NDUFAF7: variants seen among roughly 807,000 people sequenced by gnomAD.
The protein encoded by NDUFAF7 is protein arginine methyltransferase NDUFAF7, mitochondrial.
A neutral mutation model predicts 47.2 loss-of-function variants in NDUFAF7; 48 were observed. The ratio of observed to expected loss-of-function variants is 1.02; its 90% CI spans 0.81 to 1.29. NDUFAF7 has a LOEUF of 1.29. Ranked by LOEUF, NDUFAF7 falls within the 50% of genes most tolerant of loss-of-function variation. The pLI is 0.00. For synonymous variants in NDUFAF7, 217 were observed against 190.0 expected (o/e 1.14, Z -1.17); for missense variants, 635 against 537.6 (o/e 1.18, Z -1.79).
chr2:37,247,225 T>A, intron 8 of NDUFAF7: 1 of 571,790 alleles, frequency 1.7e-6, no homozygotes, highest in Non-Finnish European at 3.2e-6. Flanking sequence ...TGATTTCATT[T>A]TTTTTTATGG....
chr2:37,233,505 G>A (rs1665420068), intron 2 of NDUFAF7, among the ~76,000 whole-genome samples: 1 of 152,004 alleles, frequency 6.6e-6, no homozygotes, highest in African/African-American at 2.4e-5. Context: ...GCTTGTGCCT[G>A]TAATCCCAGC....
chr2:37,231,955 G>A (rs1665186824), intron 1 of NDUFAF7, 151 bp from the exon 2 acceptor site: 1 of 1,598,574 alleles, frequency 6.3e-7, no homozygotes, highest in East Asian at 2.2e-5. Context: ...TGCTGTCTCT[G>A]CGCCCCGTGG....
At chr2:37,259,688 T>C in the NDUFAF7 span, 12 of 1,588,434 alleles carry the variant, frequency 7.6e-6, no homozygotes, top group Admixed American at 1.4e-4. Context: ...GTATCTGTTA[T>C]GAAAAAAGAT....
At chr2:37,267,452 C>A in the NDUFAF7 span, 1 of 1,603,964 alleles carries the variant, frequency 6.2e-7, no homozygotes, top group Non-Finnish European at 8.5e-7. Flanking sequence ...CACTTCATTA[C>A]GGAGTTGACT....
At chr2:37,270,435 G>C in the NDUFAF7 span, among the ~76,000 whole-genome samples, 1 of 149,866 alleles carries the variant, frequency 6.7e-6, no homozygotes, top group Admixed American at 6.6e-5. Flanking sequence ...ATGTATGAGA[G>C]AAAGTCTGTA....
downstream of NDUFAF7, among the ~76,000 whole-genome samples, chr2:37,256,494 AAAG>A (rs1216192039): frequency 2.0e-5 from 3 of 152,162 alleles, no homozygotes; most frequent in Non-Finnish European, 4.4e-5. Flanking sequence ...AAAAGTATAA[AAAG>A]AAGAGTGCTC....
At chr2:37,269,340 C>G in the NDUFAF7 span, 8 of 399,276 alleles carry the variant, frequency 2.0e-5, no homozygotes, top group East Asian at 9.4e-5. Flanking sequence ...CATCTCCCCC[C>G]CTGCCTCCGA....
intron 1 of NDUFAF7, 27 bp downstream of exon 1, chr2:37,231,787 G>T (rs1400947515): frequency 1.2e-6 from 2 of 1,613,974 alleles, no homozygotes; most frequent in Admixed American, 3.3e-5. Context: ...TCGAAGCCCG[G>T]TTGCCGTGGA....
the NDUFAF7 span, among the ~76,000 whole-genome samples, chr2:37,258,565 A>G: frequency 6.6e-6 from 1 of 152,178 alleles, no homozygotes; most frequent in Non-Finnish European, 1.5e-5. Flanking sequence ...GGGAGTTTTA[A>G]TGTTACCAGT....
the NDUFAF7 span, among the ~76,000 whole-genome samples, chr2:37,264,566 C>A: frequency 6.6e-6 from 1 of 151,910 alleles, no homozygotes; most frequent in African/African-American, 2.4e-5. Flanking sequence ...GTGGAGGCTT[C>A]ATTGAGGAAA....
intron 2 of NDUFAF7, among the ~76,000 whole-genome samples, chr2:37,232,691 T>A (rs139835248): frequency 1.3e-5 from 2 of 152,156 alleles, no homozygotes; most frequent in African/African-American, 4.8e-5. Flanking sequence ...TAGGAATTAC[T>A]GCCTGGAAAG....
At chr2:37,246,387 CT>C (rs1427248432) in intron 8 of NDUFAF7, among the ~76,000 whole-genome samples, 192 bp downstream of exon 8, 3 of 152,204 alleles carry the variant, frequency 2.0e-5, no homozygotes, top group African/African-American at 7.2e-5. Context: ...TCCAGCCCTC[CT>C]TTAACAGGAT....
rs1026551976 is a variant in NDUFAF7, at chr2:37,242,620, C to T, written c.623-15C>T. The stretch of plus-strand genomic sequence containing the variant: ...GAAATGTGGAAACATTAATTGTTTT[C>T]CTCTTTTTAAATAGGGTACAGCTTT... On this transcript the variant is annotated splice_polypyrimidine_tract_variant and intron_variant, in intron 5 of 9. Transcript: ENST00000002125. 2 of 1,562,400 alleles carry T rather than the reference C, an allele frequency of 1.3e-6. No individual in the cohort carries two copies. Among genetic ancestry groups the T allele is most frequent in the South Asian group, 2.2e-5 (2 of 89,600 alleles).
At chr2:37,233,645 G>C (rs1225356331) in intron 2 of NDUFAF7, among the ~76,000 whole-genome samples, 1 of 149,510 alleles carries the variant, frequency 6.7e-6, no homozygotes, top group Non-Finnish European at 1.5e-5. Flanking sequence ...AAAAAAGTGA[G>C]CCTGGTGTTC....
Position 37,248,671 on chromosome 2 carries a change from T to G in NDUFAF7, c.*321T>G, listed in dbSNP as rs1230827233. On this transcript the variant is annotated 3_prime_UTR_variant, in exon 10 of 10. Coordinates refer to ENST00000002125, the MANE Select transcript of NDUFAF7 (RefSeq NM_144736.5). ...GGCTCATGCCTGTAATCCCAGCACT[T>G]TGGGAGGCTGAGGTGGGCATATCAC... 1 of 355,186 alleles carries G rather than the reference T, an allele frequency of 2.8e-6. No homozygotes were observed. Among genetic ancestry groups the G allele is most frequent in the Non-Finnish European group, 5.4e-6 (1 of 183,650 alleles). The allele number at this position is 355,186 out of a possible 1,614,324, so 22.0% of individuals were successfully genotyped here. A position where few individuals can be genotyped will look rare whatever the true frequency, so the allele number is the denominator to read the frequency against.
chr2:37,235,018 T>A (rs1437870766), intron 2 of NDUFAF7, among the ~76,000 whole-genome samples: 1 of 152,144 alleles, frequency 6.6e-6, no homozygotes, highest in Non-Finnish European at 1.5e-5. Flanking sequence ...AAACTTGGGA[T>A]ATGAAGATAA....
the NDUFAF7 span, chr2:37,260,354 C>G: frequency 6.2e-7 from 1 of 1,612,094 alleles, no homozygotes; most frequent in Non-Finnish European, 8.5e-7. Flanking sequence ...AACATACATT[C>G]CAGGTTTACA....
At chr2:37,265,488 TAC>T in the NDUFAF7 span, among the ~76,000 whole-genome samples, 31 of 149,864 alleles carry the variant, frequency 2.1e-4, no homozygotes, top group Admixed American at 4.7e-4. Context: ...ATCTTTATAC[TAC>T]ACACACACAC....
chr2:37,231,752 C>A lies in NDUFAF7; in HGVS notation c.47C>A (p.Ala16Glu), dbSNP rs1343346353. Reference protein sequence around the residue: ...RSGLGPLCAVARAAIPFIWRG... With the variant: ...RSGLGPLCAVERAAIPFIWRG... ...GGTTTGGGGCCGTTGTGTGCCGTGG[C>A]GCGCGCAGGTAAGCGTCAGTCCCCT... The change falls in exon 1 of 10, where the codon GCG (alanine) becomes GAG (glutamate). Residue 16 changes from alanine (A) to glutamate (E), a missense_variant. Ala to Glu is a moderately radical substitution (Grantham distance 107). Transcript: ENST00000002125. 1.9e-6 allele frequency: 3 copies of A among 1,614,186 alleles called. No individual in the cohort carries two copies. Among genetic ancestry groups the A allele is most frequent in the South Asian group, 1.1e-5 (1 of 91,082 alleles).
Sources: allele counts gnomAD v4.1 joint callset (sites outside exome capture counted in the v4.1 genomes callset), GRCh38; gene constraint gnomAD v4.1.1; transcripts MANE v1.5; gene names NCBI Gene and HGNC (gene_info 2026-07-23, HGNC 2026-07-21).